Variants in FABP7 observed in about 807,000 individuals in gnomAD.
FABP7 encodes fatty acid binding protein 7.
In FABP7, 13 loss-of-function variants were observed where a neutral mutation model predicts 14.2. The observed-to-expected ratio is 0.91, with a 90% CI of 0.59 to 1.45. FABP7 has a LOEUF of 1.45. Ranked by LOEUF, FABP7 falls within the 40% of genes most tolerant of loss-of-function variation. The probability of loss-of-function intolerance (pLI) is 0.00; values close to 1 mark genes in which losing one functional copy is unlikely to be tolerated. For missense variants in FABP7, 149 were observed against 157.6 expected (o/e 0.95, Z 0.29); for synonymous variants, 49 against 51.4 (o/e 0.95, Z 0.20).
rs1413808684 is a variant in FABP7, at chr6:122,781,091, A to G, written c.247-2A>G. ...TGTTCTGCATTTTGTTGTTGGTCTC[A>G]GTCTGTTGTTAGCCTGGATGGAGAC... On this transcript the variant is annotated splice_acceptor_variant, in intron 2 of 3. Transcript: ENST00000368444. LOFTEE classifies it high-confidence loss of function. 3.7e-6 allele frequency: 6 copies of G among 1,610,796 alleles called. No homozygotes were observed. In the Admixed American group the frequency reaches 6.7e-5, roughly 18 times the overall value.
the FABP7 span, among the ~76,000 whole-genome samples, chr6:122,773,187 C>T: frequency 6.6e-6 from 1 of 152,204 alleles, no homozygotes; most frequent in Non-Finnish European, 1.5e-5. Flanking sequence ...CTCCAGAATA[C>T]ATGCGAATCA....
chr6:122,770,768 G>A, the FABP7 span, among the ~76,000 whole-genome samples: 1 of 151,988 alleles, frequency 6.6e-6, no homozygotes, highest in Non-Finnish European at 1.5e-5. Context: ...AGACCTATAC[G>A]ATCTCTGTCT....
the FABP7 span, among the ~76,000 whole-genome samples, chr6:122,763,317 A>G: frequency 2.0e-5 from 3 of 152,018 alleles, no homozygotes; most frequent in Non-Finnish European, 2.9e-5. Context: ...AAATGGTGCT[A>G]GGAAAACTGG....
intron 3 of FABP7, chr6:122,781,482 A>AT (rs999096795): frequency 1.5e-5 from 20 of 1,372,418 alleles, no homozygotes; most frequent in Non-Finnish European, 1.8e-5. Flanking sequence ...GTGTCAAAAG[A>AT]TTTTTTGTAG....
the FABP7 span, among the ~76,000 whole-genome samples, chr6:122,768,432 AG>A: frequency 1.3e-5 from 2 of 152,196 alleles, no homozygotes; most frequent in Non-Finnish European, 2.9e-5. Context: ...CATTTTATGA[AG>A]ATTACATTGG....
chr6:122,753,756 A>C, the FABP7 span, among the ~76,000 whole-genome samples: 1 of 148,794 alleles, frequency 6.7e-6, no homozygotes, highest in Non-Finnish European at 1.5e-5. Context: ...AAGGGCCTGG[A>C]TACAGAATCT....
chr6:122,751,559 C>A, the FABP7 span, among the ~76,000 whole-genome samples: 1 of 152,154 alleles, frequency 6.6e-6, no homozygotes, highest in Non-Finnish European at 1.5e-5. Context: ...GTTATTTTCA[C>A]TTTTTTTGAG....
At chr6:122,774,656 G>A in the FABP7 span, among the ~76,000 whole-genome samples, 81 of 151,870 alleles carry the variant, frequency 5.3e-4, no homozygotes, top group African/African-American at 2.0e-3. Context: ...GTCCTAGCCA[G>A]GGCAATTAGA....
chr6:122,759,627 C>A, the FABP7 span, among the ~76,000 whole-genome samples: 1 of 152,050 alleles, frequency 6.6e-6, no homozygotes, highest in Non-Finnish European at 1.5e-5. Context: ...GACAATAATG[C>A]TTATTTTAAA....
At chr6:122,783,116 G>C (rs967551222) in intron 3 of FABP7, 1 of 985,266 alleles carries the variant, frequency 1.0e-6, no homozygotes, top group African/African-American at 1.7e-5. Context: ...CTGTAAAGTG[G>C]TTTTATAATA....
At chr6:122,768,170 A>G in the FABP7 span, among the ~76,000 whole-genome samples, 43 of 152,240 alleles carry the variant, frequency 2.8e-4, no homozygotes, top group African/African-American at 9.1e-4. Flanking sequence ...ATTAGATGTC[A>G]TTGTATATGC....
At chr6:122,774,316 CAG>C in the FABP7 span, among the ~76,000 whole-genome samples, 1 of 123,258 alleles carries the variant, frequency 8.1e-6, no homozygotes, top group African/African-American at 3.1e-5. Flanking sequence ...GAGCCCAGAT[CAG>C]GCCACTGCAC....
At chr6:122,754,569 G>C in the FABP7 span, among the ~76,000 whole-genome samples, 2 of 151,720 alleles carry the variant, frequency 1.3e-5, no homozygotes, top group African/African-American at 4.9e-5. Context: ...AAAAACATTC[G>C]CTTTAAAACT....
At position 122,784,000 on chromosome 6, in the gene FABP7, T is replaced by A. The variant is rs11184; in HGVS notation, c.*233T>A. The A allele has an allele frequency of 5.0e-3, 1,793 of 357,346 alleles. 10 individuals carry two copies. The highest frequency in any genetic ancestry group is 7.0e-3 in the Non-Finnish European group (1,447 of 206,204). The allele number at this position is 357,346 out of a possible 1,614,324, so 22.1% of individuals were successfully genotyped here. On this transcript the variant is annotated 3_prime_UTR_variant, in exon 4 of 4. Coordinates refer to ENST00000368444, the MANE Select transcript of FABP7 (RefSeq NM_001446.5). ...GTTTTGTCCCCCCCCCCCTTTTTTT[T>A]ATAAACAAGTGAATACATTTTATAA...
chr6:122,781,348 A>G (rs906614125), intron 3 of FABP7, 154 bp downstream of exon 3: 7 of 1,478,360 alleles, frequency 4.7e-6, no homozygotes, highest in Non-Finnish European at 6.3e-6. Context: ...CTATATGTAA[A>G]ACAGGGGAAA....
At chr6:122,758,950 T>C in the FABP7 span, among the ~76,000 whole-genome samples, 1 of 152,194 alleles carries the variant, frequency 6.6e-6, no homozygotes, top group Non-Finnish European at 1.5e-5. Flanking sequence ...TTCTAAATCT[T>C]ATAGTGGAAA....
chr6:122,752,871 A>G, the FABP7 span, among the ~76,000 whole-genome samples: 2 of 152,172 alleles, frequency 1.3e-5, no homozygotes, highest in African/African-American at 4.8e-5. Flanking sequence ...GAAAGTTATT[A>G]GTCAAGCTGA....
chr6:122,781,490 T>C (rs1780782959), intron 3 of FABP7: 1 of 1,372,446 alleles, frequency 7.3e-7, no homozygotes, highest in African/African-American at 1.4e-5. Flanking sequence ...AGATTTTTTG[T>C]AGGATAACTA....
chr6:122,776,097 C>T (rs1031586778), upstream of FABP7, among the ~76,000 whole-genome samples: 2 of 152,022 alleles, frequency 1.3e-5, no homozygotes, highest in African/African-American at 4.8e-5. Context: ...AGATCAGCCA[C>T]TATGGAAAAC....
Sources: gnomAD v4.1 joint callset for allele counts (sites outside exome capture counted in the v4.1 genomes callset) on GRCh38, gnomAD v4.1.1 for gene constraint, MANE v1.5 for transcripts, NCBI Gene and HGNC (gene_info 2026-07-23, HGNC 2026-07-21) for gene names.